The following SCHIP1 variants were observed in gnomAD, a reference collection of about 807,000 sequenced individuals.
SCHIP1 encodes schwannomin-interacting protein 1.
A neutral mutation model predicts 29.7 loss-of-function variants in SCHIP1; 8 were observed. The observed-to-expected ratio is 0.27, with a 90% confidence interval of 0.16 to 0.49. The LOEUF (loss-of-function observed/expected upper bound fraction) is 0.49, where lower values mean the gene tolerates loss of function less well. Among genes scored for constraint, SCHIP1 ranks in the 20% least tolerant of loss-of-function variants. The pLI is 0.99. For synonymous variants in SCHIP1, 76 were observed against 94.9 expected, an observed-to-expected ratio of 0.80 and a Z score of 1.16; for missense variants, 193 against 294.6, an observed-to-expected ratio of 0.66 and a Z score of 2.52.
the SCHIP1 span, among the ~76,000 whole-genome samples, chr3:159,601,271 G>A: frequency 6.6e-6 from 1 of 152,160 alleles, no homozygotes; most frequent in Non-Finnish European, 1.5e-5. Flanking sequence ...TGAGTGGTAT[G>A]GGCTGGTATT....
chr3:159,654,908 G>A, the SCHIP1 span, among the ~76,000 whole-genome samples: 1 of 151,756 alleles, frequency 6.6e-6, no homozygotes, highest in Non-Finnish European at 1.5e-5. Context: ...AGTAAGCAGT[G>A]CTGACCAGAA....
the SCHIP1 span, among the ~76,000 whole-genome samples, chr3:159,680,842 T>C: frequency 7.6e-5 from 11 of 145,540 alleles, no homozygotes; most frequent in African/African-American, 2.8e-4. Flanking sequence ...GCATGATCCG[T>C]GAGGAATAGT....
chr3:159,467,702 T>C, the SCHIP1 span, among the ~76,000 whole-genome samples: 4 of 152,126 alleles, frequency 2.6e-5, no homozygotes, highest in African/African-American at 9.7e-5. Flanking sequence ...GTGTTTTTAT[T>C]GTATAAAGTC....
the SCHIP1 span, among the ~76,000 whole-genome samples, chr3:159,339,449 G>T: frequency 6.6e-6 from 1 of 152,198 alleles, no homozygotes; most frequent in South Asian, 2.1e-4. Context: ...CTTCTCTTCA[G>T]AACCACTTTT....
the SCHIP1 span, among the ~76,000 whole-genome samples, chr3:159,370,199 G>A: frequency 5.9e-5 from 9 of 152,158 alleles, no homozygotes; most frequent in Non-Finnish European, 1.3e-4. Context: ...TGAGGCTGTA[G>A]ATCTGGCTTC....
At chr3:159,748,278 G>A in the SCHIP1 span, among the ~76,000 whole-genome samples, 3 of 152,160 alleles carry the variant, frequency 2.0e-5, no homozygotes, top group Non-Finnish European at 4.4e-5. Context: ...TCTCAAAATT[G>A]ATGAATCACA....
chr3:159,703,879 A>G, the SCHIP1 span, among the ~76,000 whole-genome samples: 3 of 152,118 alleles, frequency 2.0e-5, no homozygotes, highest in Admixed American at 2.0e-4. Flanking sequence ...CCTCTATCTC[A>G]TATTTCCTCA....
the SCHIP1 span, among the ~76,000 whole-genome samples, chr3:159,551,684 G>T: frequency 3.3e-5 from 5 of 151,742 alleles, no homozygotes; most frequent in South Asian, 2.1e-4. Flanking sequence ...ATGGAGATTT[G>T]GTCTTTATAC....
chr3:159,584,816 G>C, the SCHIP1 span, among the ~76,000 whole-genome samples: 39 of 152,046 alleles, frequency 2.6e-4, no homozygotes, highest in African/African-American at 8.7e-4. Context: ...CCAAAGAAAC[G>C]ATGGGTGGCT....
At chr3:159,702,686 C>T in the SCHIP1 span, among the ~76,000 whole-genome samples, 1 of 152,236 alleles carries the variant, frequency 6.6e-6, no homozygotes, top group Admixed American at 6.5e-5. Context: ...AATTTAGGAT[C>T]TGATACTAGT....
At chr3:159,521,028 G>T in the SCHIP1 span, among the ~76,000 whole-genome samples, 1 of 152,148 alleles carries the variant, frequency 6.6e-6, no homozygotes, top group Non-Finnish European at 1.5e-5. Context: ...AAGTCAAAGA[G>T]AGCATATTAA....
the SCHIP1 span, among the ~76,000 whole-genome samples, chr3:159,443,722 T>C: frequency 2.6e-5 from 4 of 152,172 alleles, no homozygotes; most frequent in Non-Finnish European, 4.4e-5. Flanking sequence ...TTGGCCAGGA[T>C]GGTCTTGATC....
the SCHIP1 span, among the ~76,000 whole-genome samples, chr3:159,402,374 G>A: frequency 4.6e-5 from 7 of 152,264 alleles, no homozygotes; most frequent in South Asian, 2.1e-4. Context: ...TCGGTGTGGC[G>A]ATTCCTCAGA....
the SCHIP1 span, among the ~76,000 whole-genome samples, chr3:159,574,421 T>A: frequency 3.5e-4 from 53 of 152,204 alleles, no homozygotes; most frequent in Admixed American, 3.4e-3. Flanking sequence ...CCTGTTTGCC[T>A]AGGTGTCACC....
chr3:159,734,909 C>T, the SCHIP1 span, among the ~76,000 whole-genome samples: 1 of 150,340 alleles, frequency 6.7e-6, no homozygotes, highest in East Asian at 2.0e-4. Context: ...GTTACTTCAT[C>T]CCCTGTGCCC....
chr3:159,339,213 A>G, the SCHIP1 span, among the ~76,000 whole-genome samples: 3 of 151,908 alleles, frequency 2.0e-5, no homozygotes, highest in African/African-American at 4.8e-5. Context: ...GACATGTTCA[A>G]ATGATGAAAA....
the SCHIP1 span, among the ~76,000 whole-genome samples, chr3:159,737,080 A>G: frequency 2.2e-4 from 33 of 152,232 alleles, no homozygotes; most frequent in Non-Finnish European, 4.3e-4. Flanking sequence ...CTTTGTGTTT[A>G]TGGCAAATTG....
the SCHIP1 span, among the ~76,000 whole-genome samples, chr3:159,326,686 A>G: frequency 6.6e-6 from 1 of 152,136 alleles, no homozygotes; most frequent in Non-Finnish European, 1.5e-5. Context: ...AACCTCCCCT[A>G]TGGTCCTAGT....
chr3:159,722,983 C>T, the SCHIP1 span, among the ~76,000 whole-genome samples: 2 of 152,200 alleles, frequency 1.3e-5, no homozygotes, highest in African/African-American at 4.8e-5. Flanking sequence ...TCTTCCTCCC[C>T]TGGCTATAGC....
Sources: allele counts gnomAD v4.1 joint callset (sites outside exome capture counted in the v4.1 genomes callset), GRCh38; gene constraint gnomAD v4.1.1; transcripts MANE v1.5; gene names NCBI Gene and HGNC (gene_info 2026-07-23, HGNC 2026-07-21).